Variants in CCNJL observed in about 807,000 individuals in gnomAD.
The protein encoded by CCNJL is cyclin J like.
In CCNJL, 33 loss-of-function variants were observed where a neutral mutation model predicts 33.4. The ratio of observed to expected loss-of-function variants is 0.99; its 90% CI spans 0.75 to 1.32. The LOEUF is 1.32. Ranked by LOEUF, CCNJL falls within the 40% of genes most tolerant of loss-of-function variation. The probability of loss-of-function intolerance (pLI) is 0.00; values close to 1 mark genes in which losing one functional copy is unlikely to be tolerated. For synonymous variants in CCNJL, 227 were observed against 220.9 expected (o/e 1.03, Z -0.24); for missense variants, 512 against 499.7 (o/e 1.02, Z -0.23).
Position 160,252,595 on chromosome 5 carries a change from G to A in CCNJL, c.*783C>T, listed in dbSNP as rs1473606111. The A allele has an allele frequency of 1.3e-5, 2 of 152,526 alleles. No individual in the cohort carries two copies. Among genetic ancestry groups the A allele is most frequent in the East Asian group, 1.9e-4 (1 of 5,192 alleles). The allele number at this position is 152,526 out of a possible 1,614,324, so 9.4% of individuals were successfully genotyped here. On this transcript the variant is annotated 3_prime_UTR_variant, in exon 6 of 6. Coordinates refer to ENST00000257536, the MANE Select transcript of CCNJL (RefSeq NM_001308173.3). ...AAAAGGAAGCTCTGTGGTTACCTGC[G>A]GGTCCATCACAAGTTGGGTTCAAAC...
At chr5:160,329,162 A>T (rs1056121807) in intron 1 of CCNJL, among the ~76,000 whole-genome samples, 1 of 152,092 alleles carries the variant, frequency 6.6e-6, no homozygotes, top group Admixed American at 6.6e-5. Flanking sequence ...ACAAAAAAAC[A>T]TTGTTTTGGA....
intron 3 of CCNJL, among the ~76,000 whole-genome samples, chr5:160,260,203 C>T (rs1316881742): frequency 6.6e-6 from 1 of 152,208 alleles, no homozygotes; most frequent in East Asian, 1.9e-4. Flanking sequence ...AACCTCCTGG[C>T]TAGAGTCAGC....
rs149075810 is a variant in CCNJL at position 160,278,082 on chromosome 5, T to A, written c.280+2443A>T. ...ACCACCATGCCCAGCTAATTTTGTATTTTTAGTAGAGATGGGGTTTCTCCA... is the reference window on the plus strand; with the variant it reads ...ACCACCATGCCCAGCTAATTTTGTAATTTTAGTAGAGATGGGGTTTCTCCA... On this transcript the variant is annotated intron_variant, in intron 3 of 5. Coordinates refer to ENST00000257536, the MANE Select transcript of CCNJL (RefSeq NM_001308173.3). Among the ~76,000 whole-genome samples, 972 of 152,278 alleles carry A rather than the reference T, an allele frequency of 6.4e-3. 5 individuals carry two copies. Among genetic ancestry groups the A allele is most frequent in the Middle Eastern group, 0.027 (8 of 294 alleles).
chr5:160,292,247 G>C (rs554620030), intron 2 of CCNJL, among the ~76,000 whole-genome samples: 3 of 152,228 alleles, frequency 2.0e-5, no homozygotes, highest in Non-Finnish European at 4.4e-5. Context: ...ATTTGGAATT[G>C]CTCATTATGA....
chr5:160,326,926 A>C lies in CCNJL; in HGVS notation n.207-11421T>G, dbSNP rs367654651. 3.4e-5 allele frequency: 22 copies of C among 647,148 alleles called. No homozygotes were observed. The African/African-American group carries it at 3.8e-4, about 11-fold the overall frequency. 40.1% of individuals were successfully genotyped at this position (647,148 alleles called of 1,614,324 possible). On this transcript the variant is annotated intron_variant and non_coding_transcript_variant, in intron 1 of 7. Transcript: ENST00000377503. ...GTCATGAATACGACCGAGTCGGATC[A>C]TGCTAAAAGGACATAATATTACTCT...
intron 2 of CCNJL, among the ~76,000 whole-genome samples, chr5:160,298,728 A>G (rs1056072667): frequency 6.6e-6 from 1 of 152,160 alleles, no homozygotes; most frequent in Admixed American, 6.5e-5. Context: ...TACAGCTAGA[A>G]AACAGGTAGG....
At chr5:160,283,000 T>TATATATAC (rs1762284594) in intron 2 of CCNJL, among the ~76,000 whole-genome samples, 1 of 56,494 alleles carries the variant, frequency 1.8e-5, no homozygotes, top group African/African-American at 9.3e-5. Context: ...TATATATATA[T>TATATATAC]ATATATATAC....
intron 2 of CCNJL, among the ~76,000 whole-genome samples, chr5:160,301,045 G>T (rs540826018): frequency 1.3e-5 from 2 of 152,260 alleles, no homozygotes; most frequent in South Asian, 4.1e-4. Flanking sequence ...TTCCACTTTA[G>T]GAACTTATTC....
chr5:160,303,700 C>CTGTGTG (rs551491563), intron 2 of CCNJL, among the ~76,000 whole-genome samples: 2,167 of 104,248 alleles, frequency 0.021, 28 homozygotes, highest in East Asian at 0.055. Context: ...CTCTGTGTGT[C>CTGTGTG]TGTGTGTGTG....
chr5:160,315,379 C>G (rs576654475), upstream of CCNJL: 2 of 413,248 alleles, frequency 4.8e-6, no homozygotes, highest in South Asian at 1.7e-5. Context: ...TGGTGGTATA[C>G]ACCTGTAGTC....
rs1029427732 is a variant in CCNJL, at chr5:160,259,610, C to T, written c.442G>A (p.Ala148Thr). The change falls in exon 4 of 6, where the codon GCC (alanine) becomes ACC (threonine). Residue 148 changes from alanine to threonine, a missense_variant. Ala to Thr is a moderately conservative substitution (Grantham distance 58). Coordinates refer to ENST00000257536, the MANE Select transcript of CCNJL (RefSeq NM_001308173.3). ...FSWNLCLPTP[A>T]HFLDYYLLAS... ...AAGAGGTAGTAGTCCAGGAAGTGGG[C>T]AGGCGTGGGCAGGCAGAGGTTCCAG... 3.7e-6 allele frequency: 6 copies of T among 1,614,130 alleles called. No individual in the cohort carries two copies. The highest frequency in any genetic ancestry group is 1.3e-5 in the African/African-American group (1 of 75,020).
chr5:160,302,814 TAA>T (rs35600220), intron 2 of CCNJL, among the ~76,000 whole-genome samples: 10 of 143,448 alleles, frequency 7.0e-5, no homozygotes, highest in Non-Finnish European at 1.2e-4. Flanking sequence ...TCTGTCTCAA[TAA>T]AAAAAAAAAA....
intron 1 of CCNJL, among the ~76,000 whole-genome samples, chr5:160,317,988 T>G (rs1763397827): frequency 6.6e-6 from 1 of 152,022 alleles, no homozygotes; most frequent in Non-Finnish European, 1.5e-5. Context: ...CTTCTCTTTC[T>G]CTTCACGTAG....
chr5:160,253,639 G>A lies in CCNJL; in HGVS notation c.903C>T (p.Pro301=), dbSNP rs769691898. The change falls in exon 6 of 6, where the codon CCC becomes CCT. Residue 301 remains proline (P), a synonymous_variant. Transcript: ENST00000257536. The part of the protein sequence containing the change: ...PATTLAQFQT[P]VQDLCLAYRD... ...GATAGGCCAAGCATAGGTCCTGCAC[G>A]GGGGTCTGGAACTGTGCCAGGGTGG... The A allele has an allele frequency of 7.4e-6, 12 of 1,612,648 alleles. No individual in the cohort carries two copies. The highest frequency in any genetic ancestry group is 2.2e-5 in the South Asian group (2 of 90,882).
intron 1 of CCNJL, among the ~76,000 whole-genome samples, chr5:160,321,935 A>C (rs576713691): frequency 1.3e-5 from 2 of 152,250 alleles, no homozygotes; most frequent in South Asian, 4.2e-4. Context: ...AACCACTGTG[A>C]TATTGATGGA....
chr5:160,287,087 C>G (rs1762431064), intron 2 of CCNJL, among the ~76,000 whole-genome samples: 1 of 152,156 alleles, frequency 6.6e-6, no homozygotes, highest in African/African-American at 2.4e-5. Flanking sequence ...TCAGGCAGTT[C>G]TGGGTCGGAA....
intron 2 of CCNJL, among the ~76,000 whole-genome samples, chr5:160,290,162 CCTG>C (rs1762537388): frequency 1.3e-5 from 2 of 152,154 alleles, no homozygotes; most frequent in African/African-American, 4.8e-5. Context: ...CTTTTAGTGT[CCTG>C]CACTGCATTA....
At chr5:160,276,527 C>T (rs1762019043) in intron 3 of CCNJL, 1 of 151,920 alleles carries the variant, frequency 6.6e-6, no homozygotes, top group Admixed American at 6.6e-5. Context: ...CACAAATGGT[C>T]ACATATTGTA....
rs532740581 is a variant in CCNJL, at chr5:160,325,664, A to G, written n.207-10159T>C. Among the ~76,000 whole-genome samples, 32 of 152,308 alleles carry G rather than the reference A, an allele frequency of 2.1e-4. 2 individuals carry two copies. In the South Asian group the frequency reaches 6.4e-3, roughly 31 times the overall value. On this transcript the variant is annotated intron_variant and non_coding_transcript_variant, in intron 1 of 7. Transcript: ENST00000377503. ...CTATTTACTAAACAAAAGTATACAC[A>G]TATTTGAGGCAATATAAGCAAGCAA...
Sources: allele counts gnomAD v4.1 joint callset (sites outside exome capture counted in the v4.1 genomes callset), GRCh38; gene constraint gnomAD v4.1.1; transcripts MANE v1.5; gene names NCBI Gene and HGNC (gene_info 2026-07-23, HGNC 2026-07-21).